ABCG1: variants seen among roughly 807,000 people sequenced by gnomAD.
ABCG1 encodes ATP binding cassette subfamily G member 1, also known as ATP-binding cassette sub-family G member 1.
In ABCG1, 29 loss-of-function variants were observed where a neutral mutation model predicts 69.2. The observed-to-expected ratio is 0.42, with a 90% CI of 0.31 to 0.57. The LOEUF is 0.57. Among genes scored for constraint, ABCG1 ranks in the 20% least tolerant of loss-of-function variants. The pLI, the probability that ABCG1 is intolerant of heterozygous loss-of-function variation, is 0.15. For synonymous variants in ABCG1, 370 were observed against 374.8 expected (o/e 0.99, Z 0.15); for missense variants, 718 against 898.1 (o/e 0.80, Z 2.56).
upstream of ABCG1, chr21:42,219,060 C>A (rs947196726): frequency 1.0e-5 from 3 of 292,060 alleles, no homozygotes; most frequent in South Asian, 1.4e-4. The surrounding 1 kb of genome is among the most constrained non-coding windows in gnomAD (Gnocchi z 5.3). Flanking sequence ...CCGGCCCGCC[C>A]GCCCCCTTGG....
At chr21:42,254,608 C>T (rs1182874474) in intron 2 of ABCG1, among the ~76,000 whole-genome samples, 1 of 152,238 alleles carries the variant, frequency 6.6e-6, no homozygotes, top group Non-Finnish European at 1.5e-5. Flanking sequence ...GATTGATCAG[C>T]GCGTGGCTTT....
upstream of ABCG1, among the ~76,000 whole-genome samples, chr21:42,214,497 G>A (rs2067619019): frequency 6.6e-6 from 1 of 152,248 alleles, no homozygotes; most frequent in African/African-American, 2.4e-5. Flanking sequence ...CCGGGGCCAG[G>A]CTGACCAGAA....
intron 2 of ABCG1, among the ~76,000 whole-genome samples, chr21:42,209,954 C>T (rs2067573247): frequency 6.6e-6 from 1 of 152,196 alleles, no homozygotes; most frequent in African/African-American, 2.4e-5. Flanking sequence ...TGCCCAGCCA[C>T]TTGGGAAGGG....
At position 42,283,753 on chromosome 21, in the gene ABCG1, T is replaced by TCCCG. The variant is rs2068867218; in HGVS notation, c.735-805_735-804insCGCC. Among the ~76,000 whole-genome samples the TCCCG allele has an allele frequency of 7.9e-5, 3 of 38,058 alleles. 1 individual carries two copies. Among genetic ancestry groups the TCCCG allele is most frequent in the African/African-American group, 2.5e-4 (2 of 8,068 alleles). 25.0% of individuals were successfully genotyped at this position (38,058 alleles called of 152,430 possible). On this transcript the variant is annotated intron_variant, in intron 6 of 14. Coordinates refer to ENST00000398449, the MANE Select transcript of ABCG1 (RefSeq NM_016818.3). ...GATGAGTGGGGACCCCCCACCTCTG[T>TCCCG]CCTGCCTGGACAGTTGTGAAGTACC...
At chr21:42,260,982 C>T (rs907522077) in intron 2 of ABCG1, among the ~76,000 whole-genome samples, 23 of 152,176 alleles carry the variant, frequency 1.5e-4, no homozygotes, top group Middle Eastern at 3.4e-3. Flanking sequence ...CCACCACACC[C>T]GGCTAATTTT....
At chr21:42,293,663 TACACAC>T (rs2069140325) in intron 13 of ABCG1, among the ~76,000 whole-genome samples, 1 of 95,834 alleles carries the variant, frequency 1.0e-5, no homozygotes, top group Non-Finnish European at 2.1e-5. Flanking sequence ...CACCACACAC[TACACAC>T]GCACCACACT....
At chr21:42,216,767 G>T (rs905590475), upstream of ABCG1, among the ~76,000 whole-genome samples, 2 of 152,182 alleles carry the variant, frequency 1.3e-5, no homozygotes, top group African/African-American at 4.8e-5. Context: ...TTACAACCAA[G>T]AGCCTTGATA....
chr21:42,281,609 G>T (rs1176010766), intron 5 of ABCG1, among the ~76,000 whole-genome samples: 1 of 152,160 alleles, frequency 6.6e-6, no homozygotes, highest in Non-Finnish European at 1.5e-5. Flanking sequence ...CTGTTTCGTT[G>T]CCTTCCTGGC....
At chr21:42,230,093 C>T (rs1157828916) in intron 2 of ABCG1, among the ~76,000 whole-genome samples, 1 of 152,186 alleles carries the variant, frequency 6.6e-6, no homozygotes, top group African/African-American at 2.4e-5. Context: ...GAAACAGTAG[C>T]GGCATTTTTA....
upstream of ABCG1, among the ~76,000 whole-genome samples, chr21:42,212,007 CAGGTTGAA>C (rs1363403564): frequency 1.3e-5 from 2 of 152,176 alleles, no homozygotes; most frequent in Non-Finnish European, 2.9e-5. Context: ...TGGTTTGAAA[CAGGTTGAA>C]AGGAGCCCCT....
intron 2 of ABCG1, among the ~76,000 whole-genome samples, chr21:42,210,959 C>CTTCTTCTTT (rs772743532): frequency 7.3e-6 from 1 of 137,382 alleles, no homozygotes; most frequent in African/African-American, 2.7e-5. Context: ...TTTCTTTCTT[C>CTTCTTCTTT]TTTTTTTTTT....
intron 8 of ABCG1, 178 bp downstream of exon 8, chr21:42,286,172 C>A: frequency 3.5e-6 from 2 of 568,996 alleles, no homozygotes; most frequent in Non-Finnish European, 6.3e-6. Flanking sequence ...CCTCTAGACT[C>A]TAGGTAAAAT....
At chr21:42,240,289 G>A (rs1389312853) in intron 2 of ABCG1, among the ~76,000 whole-genome samples, 1 of 152,188 alleles carries the variant, frequency 6.6e-6, no homozygotes, top group East Asian at 1.9e-4. Flanking sequence ...GCCAACAGGT[G>A]GACCCCAGGA....
At chr21:42,272,873 C>A (rs985693038) in intron 3 of ABCG1, among the ~76,000 whole-genome samples, 1 of 152,196 alleles carries the variant, frequency 6.6e-6, no homozygotes, top group African/African-American at 2.4e-5. Context: ...AGAGGTCCGG[C>A]CTTTGGGCAG....
intron 11 of ABCG1, among the ~76,000 whole-genome samples, chr21:42,290,761 C>A (rs552598490): frequency 6.6e-6 from 1 of 152,302 alleles, no homozygotes; most frequent in East Asian, 1.9e-4. Context: ...GCCTTGCTCA[C>A]AGGAAGGCAC....
chr21:42,271,572 G>A (rs1601422828), intron 3 of ABCG1, among the ~76,000 whole-genome samples: 1 of 152,320 alleles, frequency 6.6e-6, no homozygotes, highest in African/African-American at 2.4e-5. Context: ...GCTGGGGCTT[G>A]TGATGGTCTT....
upstream of ABCG1, among the ~76,000 whole-genome samples, chr21:42,213,980 T>G (rs1469810622): frequency 6.6e-6 from 1 of 152,220 alleles, no homozygotes; most frequent in Non-Finnish European, 1.5e-5. Flanking sequence ...GGCTTTAGAC[T>G]TTTTATTTGG....
chr21:42,265,178 G>A (rs886323038), intron 2 of ABCG1, among the ~76,000 whole-genome samples: 5 of 152,182 alleles, frequency 3.3e-5, no homozygotes, highest in East Asian at 3.8e-4. Flanking sequence ...AGGCCCTCAC[G>A]TCCCTCATTC....
At chr21:42,234,215 T>C (rs765943778) in intron 2 of ABCG1, among the ~76,000 whole-genome samples, 1 of 152,028 alleles carries the variant, frequency 6.6e-6, no homozygotes, top group Non-Finnish European at 1.5e-5. Context: ...CGCTGGCAGG[T>C]AGGGGGCAGG....
Sources: allele counts gnomAD v4.1 joint callset (sites outside exome capture counted in the v4.1 genomes callset), GRCh38; gene constraint gnomAD v4.1.1; non-coding constraint Gnocchi (gnomAD v3.1); transcripts MANE v1.5; gene names NCBI Gene and HGNC (gene_info 2026-07-23, HGNC 2026-07-21).